The following TCF4 variants were observed in gnomAD, a reference collection of about 807,000 sequenced individuals.
TCF4 encodes transcription factor 4, also known as SL3-3 enhancer factor 2.
TCF4 carries 3 observed loss-of-function variants against 82.1 expected under a neutral mutation model. The observed-to-expected ratio is 0.04, with a 90% CI of 0.02 to 0.09. TCF4 has a LOEUF of 0.09. Ranked by LOEUF, TCF4 falls within the 10% of genes least tolerant of loss-of-function variation. The pLI is 1.00. For missense variants in TCF4, 518 were observed against 852.7 expected (o/e 0.61, Z 4.89); for synonymous variants, 276 against 309.6 (o/e 0.89, Z 1.14).
intron 2 of TCF4, among the ~76,000 whole-genome samples, chr18:55,627,489 C>T (rs1473287719): frequency 7.9e-5 from 12 of 152,092 alleles, no homozygotes; most frequent in African/African-American, 2.2e-4. Flanking sequence ...ATAGGCTGGG[C>T]GCAGTGGCTC....
intron 2 of TCF4, among the ~76,000 whole-genome samples, chr18:55,603,118 G>A (rs2147949495): frequency 6.6e-6 from 1 of 152,096 alleles, no homozygotes; most frequent in East Asian, 1.9e-4. Flanking sequence ...CTTAACCTTG[G>A]CACTATTGAT....
intron 2 of TCF4, among the ~76,000 whole-genome samples, chr18:55,602,540 A>G (rs1007136054): frequency 4.6e-5 from 7 of 152,230 alleles, no homozygotes. Context: ...TATTAGATAG[A>G]TGACTCTCCT....
At chr18:55,453,427 C>A (rs2095665963) in intron 5 of TCF4, among the ~76,000 whole-genome samples, 3 of 152,226 alleles carry the variant, frequency 2.0e-5, no homozygotes. Flanking sequence ...CTACCTGATA[C>A]AAATTGCTTT....
intron 1 of TCF4, among the ~76,000 whole-genome samples, chr18:55,631,663 T>C (rs1478192921): frequency 6.6e-6 from 1 of 152,212 alleles, no homozygotes. Context: ...AAAGCCATTG[T>C]TGCAAGTTGA....
At chr18:55,468,882 C>CG (rs1568136177) in intron 3 of TCF4, among the ~76,000 whole-genome samples, 1 of 9,572 alleles carries the variant, frequency 1.0e-4, no homozygotes, top group East Asian at 5.3e-3. Flanking sequence ...TTAGTTCTCG[C>CG]CCCCCCCCCC....
intron 11 of TCF4, among the ~76,000 whole-genome samples, chr18:55,263,817 G>T (rs1199580587): frequency 2.0e-5 from 3 of 150,482 alleles, no homozygotes; most frequent in African/African-American, 7.4e-5. Flanking sequence ...TGTGATATCT[G>T]CTTGATTTGA....
intron 3 of TCF4, among the ~76,000 whole-genome samples, chr18:55,483,857 C>CGGT (rs1208809390): frequency 2.1e-4 from 32 of 152,278 alleles, no homozygotes; most frequent in African/African-American, 7.0e-4. Context: ...ACAAGAGTAC[C>CGGT]ATTAATATTT....
intron 5 of TCF4, among the ~76,000 whole-genome samples, chr18:55,425,081 C>A (rs1018799850): frequency 3.3e-5 from 5 of 152,188 alleles, no homozygotes; most frequent in African/African-American, 1.2e-4. Context: ...ATAGACCACA[C>A]AATCCAGCCA....
At chr18:55,316,431 T>C (rs1308942256) in intron 8 of TCF4, among the ~76,000 whole-genome samples, 1 of 152,098 alleles carries the variant, frequency 6.6e-6, no homozygotes, top group Non-Finnish European at 1.5e-5. Context: ...CAGCATTGTT[T>C]TTCTTAGTGG....
At chr18:55,320,816 G>A (rs1450672236) in intron 8 of TCF4, 1 of 152,094 alleles carries the variant, frequency 6.6e-6, no homozygotes, top group East Asian at 1.9e-4. Flanking sequence ...AACTCTTCCC[G>A]AGAGCCCCAC....
chr18:55,453,663 T>C (rs890381332), intron 5 of TCF4, among the ~76,000 whole-genome samples: 5 of 152,062 alleles, frequency 3.3e-5, no homozygotes, highest in African/African-American at 1.2e-4. Context: ...CTGTGCTATA[T>C]CACAGAGTAG....
upstream of TCF4, among the ~76,000 whole-genome samples, chr18:55,591,679 G>A (rs1432969248): frequency 6.6e-6 from 1 of 152,024 alleles, no homozygotes; most frequent in African/African-American, 2.4e-5. Context: ...CACCCCACTC[G>A]GCTAATTTTG....
intron 8 of TCF4, chr18:55,321,380 C>T: frequency 2.5e-6 from 1 of 402,504 alleles, no homozygotes; most frequent in Non-Finnish European, 4.5e-6. Flanking sequence ...AAAAATCATA[C>T]CACCTCTCAA....
intron 2 of TCF4, among the ~76,000 whole-genome samples, chr18:55,621,939 T>C (rs1302661393): frequency 0.011 from 4 of 380 alleles, no homozygotes; most frequent in Non-Finnish European, 0.054. Flanking sequence ...ATACTATATA[T>C]ACACTATATA....
At chr18:55,562,270 T>A (rs960712760) in intron 3 of TCF4, among the ~76,000 whole-genome samples, 1 of 152,204 alleles carries the variant, frequency 6.6e-6, no homozygotes, top group Non-Finnish European at 1.5e-5. Context: ...TTCAGAAACA[T>A]GTTTATTCTC....
intron 8 of TCF4, among the ~76,000 whole-genome samples, chr18:55,349,448 A>G (rs961985702): frequency 3.3e-5 from 5 of 152,290 alleles, no homozygotes; most frequent in African/African-American, 9.6e-5. Context: ...TCTAAATATG[A>G]TTTTATATTA....
At chr18:55,374,144 G>C (rs890178564) in intron 6 of TCF4, among the ~76,000 whole-genome samples, 1 of 151,882 alleles carries the variant, frequency 6.6e-6, no homozygotes, top group African/African-American at 2.4e-5. Context: ...AAATCTAAGG[G>C]ATGCAGCCAA....
At chr18:55,580,503 A>G (rs183388790) in intron 3 of TCF4, among the ~76,000 whole-genome samples, 7 of 152,180 alleles carry the variant, frequency 4.6e-5, no homozygotes, top group Admixed American at 3.3e-4. Context: ...GTATTTTCTT[A>G]GTAAAACTAA....
rs145298325 is a variant in TCF4 at position 55,466,944 on chromosome 18, C to A, written c.146-2807G>T. Among the ~76,000 whole-genome samples, 216 of 152,224 alleles carry A rather than the reference C, an allele frequency of 1.4e-3. 1 individual carries two copies. Among genetic ancestry groups the A allele is most frequent in the African/African-American group, 4.0e-3 (166 of 41,542 alleles). On this transcript the variant is annotated intron_variant, in intron 3 of 19. Transcript: ENST00000354452. ...TCGGATCTGACTGCTCTTTTTCCAC[C>A]CTTTCCCATTTCCATCTTTCCCACT...
Sources: allele counts gnomAD v4.1 joint callset (sites outside exome capture counted in the v4.1 genomes callset), GRCh38; gene constraint gnomAD v4.1.1; transcripts MANE v1.5; gene names NCBI Gene and HGNC (gene_info 2026-07-23, HGNC 2026-07-21).